Variants in KLHL25 observed in about 807,000 individuals in gnomAD.
The protein encoded by KLHL25 is kelch like family member 25.
In KLHL25, 41 loss-of-function variants were observed where a neutral mutation model predicts 30.0. That is an observed-to-expected ratio of 1.37 (90% CI 1.07 to 1.78). The LOEUF (loss-of-function observed/expected upper bound fraction) is 1.78. Among genes scored for constraint, KLHL25 ranks in the 40% most tolerant of loss-of-function variants. KLHL25 has a pLI of 0.00. For missense variants in KLHL25, 971 were observed against 824.5 expected, an observed-to-expected ratio of 1.18 and a Z score of -2.18; for synonymous variants, 399 against 355.3, an observed-to-expected ratio of 1.12 and a Z score of -1.38.
intron 1 of KLHL25, among the ~76,000 whole-genome samples, chr15:85,788,597 G>A (rs1356373557): frequency 3.3e-5 from 5 of 152,086 alleles, no homozygotes; most frequent in Non-Finnish European, 2.9e-5. Context: ...AGGAAACTGA[G>A]GCAGATTCTC....
chr15:85,772,635 C>A (rs921027089), intron 1 of KLHL25, among the ~76,000 whole-genome samples: 1 of 152,206 alleles, frequency 6.6e-6, no homozygotes, highest in Admixed American at 6.5e-5. Flanking sequence ...GGCAGAGACT[C>A]CCTTTGGAGG....
Position 85,768,078 on chromosome 15 carries a change from G to A in KLHL25, c.1733C>T (p.Thr578Met), listed in dbSNP as rs374266297. 5.0e-5 allele frequency: 81 copies of A among 1,613,654 alleles called. No homozygotes were observed. The highest frequency in any genetic ancestry group is 1.6e-4 in the Middle Eastern group (1 of 6,080). ...ITTVPYSLIP[T>M]AFVSTWKHLP... ...GTGCTTCCAGGTGCTGACAAAGGCCGTGGGGATAAGTGAGTAGGGCACTGT... is the reference window on the plus strand; with the variant it reads ...GTGCTTCCAGGTGCTGACAAAGGCCATGGGGATAAGTGAGTAGGGCACTGT... Residue 578 changes from threonine to methionine, a missense_variant, in exon 2 of 3, where the codon ACG becomes ATG. Thr to Met is a moderately conservative substitution (Grantham distance 81). Transcript: ENST00000337975.
chr15:85,790,690 A>G (rs1447707588), intron 1 of KLHL25, among the ~76,000 whole-genome samples: 1 of 152,036 alleles, frequency 6.6e-6, no homozygotes, highest in African/African-American at 2.4e-5. Context: ...GGCTCTAGCT[A>G]TGGGATGGTG....
At chr15:85,765,453 C>G (rs2089614570) in intron 2 of KLHL25, among the ~76,000 whole-genome samples, 1 of 151,942 alleles carries the variant, frequency 6.6e-6, no homozygotes, top group Non-Finnish European at 1.5e-5. Context: ...CGGTGAAACC[C>G]CATCTCTACT....
At chr15:85,773,618 T>C (rs2151809006) in intron 1 of KLHL25, among the ~76,000 whole-genome samples, 1 of 152,136 alleles carries the variant, frequency 6.6e-6, no homozygotes, top group South Asian at 2.1e-4. Context: ...GATGAGCTAG[T>C]GTCATCCTCC....
At chr15:85,775,246 T>G (rs1212527009) in intron 1 of KLHL25, among the ~76,000 whole-genome samples, 1 of 152,100 alleles carries the variant, frequency 6.6e-6, no homozygotes, top group Non-Finnish European at 1.5e-5. Flanking sequence ...GAAAGCACCT[T>G]TGGAAACTCG....
In KLHL25 at chr15:85,768,639, T is replaced by C. The variant is rs763562956; in HGVS notation, c.1172A>G (p.Tyr391Cys). The change falls in exon 2 of 3, where the codon TAT (tyrosine) becomes TGT (cysteine). Residue 391 changes from tyrosine (Y) to cysteine (C), a missense_variant. Coordinates refer to ENST00000337975, the MANE Select transcript of KLHL25 (RefSeq NM_022480.4). Reference protein sequence around the residue: ...HGSAELENCLYVVGGHTSLAG... With the variant: ...HGSAELENCLCVVGGHTSLAG... ...CAGGGATGTGTGTCCCCCCACCACA[T>C]AGAGGCAGTTCTCCAGCTCAGCTGA... The C allele has an allele frequency of 7.4e-6, 12 of 1,612,996 alleles. No individual in the cohort carries two copies. The highest frequency in any genetic ancestry group is 1.7e-4 in the Middle Eastern group (1 of 6,056).
In KLHL25 at chr15:85,769,189, G is replaced by A. The variant is rs138234891; in HGVS notation, c.622C>T (p.Arg208Trp). 9.3e-6 allele frequency: 15 copies of A among 1,613,538 alleles called. No homozygotes were observed. The highest frequency in any genetic ancestry group is 6.7e-5 in the East Asian group (3 of 44,868). ...TGGAGGATGGCCTCGAAGACCACCC[G>A]CTCGTCCTCGGTCTCCAGCTCATCA... ...SSDELETEDE[R>W]VVFEAILQWV... Residue 208 changes from arginine to tryptophan, a missense_variant, in exon 2 of 3, where the codon CGG (arginine) becomes TGG (tryptophan). Physicochemically the swap from Arg to Trp is moderately radical, Grantham distance 101. Coordinates refer to ENST00000337975, the MANE Select transcript of KLHL25 (RefSeq NM_022480.4).
At position 85,763,978 on chromosome 15, in the gene KLHL25, G is replaced by A. The variant is rs188024454; in HGVS notation, c.*25-2967C>T. 6.0e-4 allele frequency: 91 copies of A among 152,450 alleles called. 1 individual carries two copies. The highest frequency in any genetic ancestry group is 3.1e-3 in the East Asian group (16 of 5,190). The allele number at this position is 152,450 out of a possible 1,614,324, so 9.4% of individuals were successfully genotyped here. On this transcript the variant is annotated intron_variant, in intron 2 of 2. Coordinates refer to ENST00000337975, the MANE Select transcript of KLHL25 (RefSeq NM_022480.4). The stretch of plus-strand genomic sequence containing the variant: ...CATGGTCACCAGGGGCACCCACCGC[G>A]GGGGAGGTGGCAGGAGTGCTTTGTT...
intron 2 of KLHL25, among the ~76,000 whole-genome samples, chr15:85,766,834 C>A (rs1408938649): frequency 1.3e-5 from 2 of 152,210 alleles, no homozygotes; most frequent in Non-Finnish European, 2.9e-5. Context: ...AGGACTTCTC[C>A]CCATCCCTTG....
At chr15:85,771,876 C>T (rs892044669) in intron 1 of KLHL25, among the ~76,000 whole-genome samples, 1 of 152,228 alleles carries the variant, frequency 6.6e-6, no homozygotes, top group African/African-American at 2.4e-5. Context: ...ATTTCCTGAG[C>T]ACATCCTCGA....
chr15:85,792,325 T>C (rs915075898), intron 1 of KLHL25, among the ~76,000 whole-genome samples: 1 of 152,210 alleles, frequency 6.6e-6, no homozygotes, highest in South Asian at 2.1e-4. Flanking sequence ...TCAACAGCCT[T>C]GGCTGGCTGA....
rs115690096 is a variant in KLHL25, at chr15:85,789,442, G to A, written c.-11+5324C>T. 8.8e-3 allele frequency among the ~76,000 whole-genome samples: 1,341 copies of A among 151,840 alleles called. 13 individuals carry two copies. Among genetic ancestry groups the A allele is most frequent in the African/African-American group, 0.025 (1,035 of 41,422 alleles). On this transcript the variant is annotated intron_variant, in intron 1 of 2. Coordinates refer to ENST00000337975, the MANE Select transcript of KLHL25 (RefSeq NM_022480.4). The surrounding 1 kb of genome is among the most constrained non-coding windows in gnomAD (Gnocchi z 4.1). ...GTTGCCCAGGCTGCAGTGCCATGGC[G>A]CGATCTCGGCTTACTGCAACTTCTG...
chr15:85,784,119 T>C (rs1308058178), intron 1 of KLHL25, among the ~76,000 whole-genome samples: 1 of 152,168 alleles, frequency 6.6e-6, no homozygotes, highest in East Asian at 1.9e-4. Context: ...ATGACAGAGA[T>C]TTTCAAATCT....
At chr15:85,767,994 G>A in intron 2 of KLHL25, 23 bp downstream of exon 2, 1 of 1,495,828 alleles carries the variant, frequency 6.7e-7, no homozygotes, top group Non-Finnish European at 9.1e-7. Flanking sequence ...ACCCAGAGTG[G>A]CCGTGGGCTG....
At chr15:85,785,923 C>T (rs1445306205) in intron 1 of KLHL25, among the ~76,000 whole-genome samples, 1 of 152,114 alleles carries the variant, frequency 6.6e-6, no homozygotes, top group Non-Finnish European at 1.5e-5. Flanking sequence ...GCTGCGCTCA[C>T]AATGGCAGTG....
At chr15:85,774,276 T>A (rs866578530) in intron 1 of KLHL25, among the ~76,000 whole-genome samples, 11 of 152,160 alleles carry the variant, frequency 7.2e-5, no homozygotes, top group African/African-American at 2.2e-4. Flanking sequence ...TTAAGGCACA[T>A]AGCGTAACTG....
chr15:85,763,132 T>G (rs1402764851), intron 2 of KLHL25: 1 of 152,454 alleles, frequency 6.6e-6, no homozygotes, highest in Non-Finnish European at 1.5e-5. Flanking sequence ...GGAGAGAATG[T>G]TCACAGCAAG....
chr15:85,760,026 G>A lies in KLHL25; in HGVS notation c.*1010C>T, dbSNP rs1314933868. ...GGGCCATTCTTATCTTGGAGCTCAG[G>A]GAGCAAATGGGGGCCAAAACGCAAG... On this transcript the variant is annotated 3_prime_UTR_variant, in exon 3 of 3. Coordinates refer to ENST00000337975, the MANE Select transcript of KLHL25 (RefSeq NM_022480.4). 1 of 152,418 alleles carries A rather than the reference G, an allele frequency of 6.6e-6. No individual in the cohort carries two copies. The highest frequency in any genetic ancestry group is 1.9e-4 in the East Asian group (1 of 5,180). 9.4% of individuals were successfully genotyped at this position (152,418 alleles called of 1,614,324 possible). A position where few individuals can be genotyped will look rare whatever the true frequency, so the allele number is the denominator to read the frequency against.
Sources: allele counts gnomAD v4.1 joint callset (sites outside exome capture counted in the v4.1 genomes callset), GRCh38; gene constraint gnomAD v4.1.1; non-coding constraint Gnocchi (gnomAD v3.1); transcripts MANE v1.5; gene names NCBI Gene and HGNC (gene_info 2026-07-23, HGNC 2026-07-21).